PAK1: variants seen among roughly 807,000 people sequenced by gnomAD.
The protein encoded by PAK1 is p21 (RAC1) activated kinase 1.
In PAK1, 29 loss-of-function variants were observed where a neutral mutation model predicts 67.4. That is an observed-to-expected ratio of 0.43 (90% CI 0.32 to 0.59). PAK1 has a LOEUF of 0.59. Among genes scored for constraint, PAK1 ranks in the 20% least tolerant of loss-of-function variants. The pLI is 0.07. For missense variants in PAK1, 337 were observed against 670.7 expected (o/e 0.50, Z 5.50); for synonymous variants, 223 against 237.4 (o/e 0.94, Z 0.56).
Position 77,413,494 on chromosome 11 carries a change from G to A in PAK1, c.-21-20953C>T, listed in dbSNP as rs899200203. Among the ~76,000 whole-genome samples the A allele has an allele frequency of 5.3e-5, 8 of 152,234 alleles. No homozygotes were observed. In the South Asian group the frequency reaches 8.3e-4, roughly 16 times the overall value. The stretch of plus-strand genomic sequence containing the variant: ...TGCTCAGGAGTTCAAGGCCAGCCTG[G>A]CCAACATGGTGAAACCCCGTCTCTA... On this transcript the variant is annotated intron_variant, in intron 1 of 14. Coordinates refer to ENST00000356341, the MANE Select transcript of PAK1 (RefSeq NM_002576.5).
intron 9 of PAK1, among the ~76,000 whole-genome samples, chr11:77,344,351 C>T (rs938460672): frequency 2.6e-5 from 4 of 152,178 alleles, no homozygotes; most frequent in African/African-American, 4.8e-5. Context: ...GCCAAGAATG[C>T]TTTCAATCTG....
In PAK1 at chr11:77,343,939, C is replaced by A; in HGVS notation, c.886-8G>T. ...CATCTGCTTAATGGCCACCTGAAAT[C>A]AAGAGTATATTCAATGTGCAACCAT... On this transcript the variant is annotated splice_polypyrimidine_tract_variant and splice_region_variant and intron_variant, in intron 9 of 14. Coordinates refer to ENST00000356341, the MANE Select transcript of PAK1 (RefSeq NM_002576.5). The A allele has an allele frequency of 6.3e-7, 1 of 1,576,596 alleles. No homozygotes were observed. The highest frequency in any genetic ancestry group is 1.1e-5 in the South Asian group (1 of 90,306).
the PAK1 span, among the ~76,000 whole-genome samples, chr11:77,490,926 G>A: frequency 6.6e-6 from 1 of 152,106 alleles, no homozygotes; most frequent in Non-Finnish European, 1.5e-5. Flanking sequence ...GATGCTTGAA[G>A]GCAGCGTGCT....
At chr11:77,418,284 T>C (rs1955077876) in intron 1 of PAK1, among the ~76,000 whole-genome samples, 2 of 152,172 alleles carry the variant, frequency 1.3e-5, no homozygotes, top group African/African-American at 4.8e-5. Context: ...AGACTACACT[T>C]TCAGTAATGA....
intron 5 of PAK1, among the ~76,000 whole-genome samples, chr11:77,369,437 T>C (rs1488984025): frequency 7.0e-6 from 1 of 142,586 alleles, no homozygotes; most frequent in Non-Finnish European, 1.5e-5. Context: ...TTAAACCTTA[T>C]ACATTTCTTT....
At chr11:77,452,277 A>C (rs886462179) in intron 1 of PAK1, among the ~76,000 whole-genome samples, 7 of 152,214 alleles carry the variant, frequency 4.6e-5, no homozygotes, top group Non-Finnish European at 8.8e-5. Flanking sequence ...TTTCTGAGAA[A>C]CAGGTCAGTA....
At position 77,387,104 on chromosome 11, in the gene PAK1, A is replaced by T. The variant is rs1193629857; in HGVS notation, c.190+5227T>A. Among the ~76,000 whole-genome samples the T allele has an allele frequency of 6.8e-5, 7 of 102,518 alleles. No individual in the cohort carries two copies. The East Asian group carries it at 1.6e-3, about 23-fold the overall frequency. The allele number at this position is 102,518 out of a possible 152,430, so 67.3% of individuals were successfully genotyped here. A position where few individuals can be genotyped will look rare whatever the true frequency, so the allele number is the denominator to read the frequency against. On this transcript the variant is annotated intron_variant, in intron 2 of 14. Coordinates refer to ENST00000356341, the MANE Select transcript of PAK1 (RefSeq NM_002576.5). Reference sequence around the variant, plus strand: ...TTTTTTTTTTTTGTAATGGAGTTTCACTCTGTTACCCAGGCTGGAGTGCAG... The same window carrying T: ...TTTTTTTTTTTTGTAATGGAGTTTCTCTCTGTTACCCAGGCTGGAGTGCAG...
In PAK1 at chr11:77,332,811, C is replaced by G; in HGVS notation, c.1470G>C (p.Leu490=). The G allele has an allele frequency of 6.2e-7, 1 of 1,613,394 alleles. No individual in the cohort carries two copies. Among genetic ancestry groups the G allele is most frequent in the Non-Finnish European group, 8.5e-7 (1 of 1,179,362 alleles). ...GTPELQNPEK[L]SAIFRDFLNR... is the part of the protein sequence containing the mutation. ...TCAGAAAGTCCCGGAAGATAGCTGA[C>G]AGCTTCTCTGGGTTCTGAAGTTCTG... The change falls in exon 14 of 15, where the codon CTG becomes CTC. Residue 490 remains leucine, a synonymous_variant. Transcript: ENST00000356341.
At chr11:77,379,086 ATCTTGGCTG>A in intron 4 of PAK1, 146 bp downstream of exon 4, 4 of 647,382 alleles carry the variant, frequency 6.2e-6, no homozygotes, top group Non-Finnish European at 1.1e-5. Flanking sequence ...AAAGTCCATC[ATCTTGGCTG>A]TCAAATTCCA....
At chr11:77,344,036 T>C in intron 9 of PAK1, 105 bp from the exon 10 acceptor site, 2 of 764,148 alleles carry the variant, frequency 2.6e-6, no homozygotes, top group African/African-American at 1.7e-5. Flanking sequence ...ATGAGTAAGA[T>C]ACAGTCTTAG....
intron 8 of PAK1, among the ~76,000 whole-genome samples, chr11:77,351,328 A>C (rs1433534800): frequency 1.3e-5 from 2 of 151,964 alleles, no homozygotes; most frequent in South Asian, 2.1e-4. Context: ...AAAAAGTCAC[A>C]AAAGTTCTGG....
At chr11:77,479,312 T>G (rs1471966462), upstream of PAK1, among the ~76,000 whole-genome samples, 1 of 152,072 alleles carries the variant, frequency 6.6e-6, no homozygotes. Context: ...TATGAAACCC[T>G]GAGCAAAAGA....
intron 2 of PAK1, among the ~76,000 whole-genome samples, chr11:77,388,415 G>A (rs983452103): frequency 2.0e-5 from 3 of 152,154 alleles, no homozygotes; most frequent in Non-Finnish European, 2.9e-5. Flanking sequence ...GTGCAGTGGC[G>A]CAATCTTGGC....
chr11:77,413,188 G>A (rs1404165933), intron 1 of PAK1, among the ~76,000 whole-genome samples: 2 of 152,212 alleles, frequency 1.3e-5, no homozygotes, highest in Non-Finnish European at 2.9e-5. Flanking sequence ...TGAAAGGTTT[G>A]AAAGCAGAAT....
chr11:77,502,947 G>A, the PAK1 span, among the ~76,000 whole-genome samples: 258 of 152,142 alleles, frequency 1.7e-3, 6 homozygotes, highest in East Asian at 0.048. Flanking sequence ...TAATAAGCAC[G>A]TGTGATTTAT....
At chr11:77,374,264 C>T (rs1407472768) in intron 5 of PAK1, 64 bp downstream of exon 5, 2 of 1,096,266 alleles carry the variant, frequency 1.8e-6, no homozygotes, top group Non-Finnish European at 2.8e-6. Flanking sequence ...TCTGCCTCTA[C>T]CACACTGTCT....
In PAK1 at chr11:77,464,873, A is replaced by C. The variant is rs566651398; in HGVS notation, c.-22+8679T>G. The stretch of plus-strand genomic sequence containing the variant: ...TGAAAGTGATTGGATGGGTATTCCA[A>C]GTATGGTTTCTACTGAATGCATATT... On this transcript the variant is annotated intron_variant, in intron 1 of 14. Transcript: ENST00000356341. Among the ~76,000 whole-genome samples, 9 of 152,332 alleles carry C rather than the reference A, an allele frequency of 5.9e-5. No homozygotes were observed. In the South Asian group the frequency reaches 1.9e-3, roughly 32 times the overall value.
intron 1 of PAK1, among the ~76,000 whole-genome samples, chr11:77,410,608 G>A (rs1465101084): frequency 6.6e-6 from 1 of 151,148 alleles, no homozygotes; most frequent in Admixed American, 6.6e-5. Flanking sequence ...GAGAGGGAAG[G>A]AAAGACTGGC....
intron 8 of PAK1, among the ~76,000 whole-genome samples, chr11:77,352,824 A>G (rs1429292252): frequency 2.0e-5 from 3 of 152,196 alleles, no homozygotes; most frequent in African/African-American, 7.2e-5. Context: ...AGGCTATACC[A>G]TATAGCCTAG....
Sources: allele counts gnomAD v4.1 joint callset (sites outside exome capture counted in the v4.1 genomes callset), GRCh38; gene constraint gnomAD v4.1.1; transcripts MANE v1.5; gene names NCBI Gene and HGNC (gene_info 2026-07-23, HGNC 2026-07-21).